The following VSIG10L variants were observed in gnomAD, a reference collection of about 807,000 sequenced individuals.
VSIG10L encodes the protein V-set and immunoglobulin domain containing 10 like.
A neutral mutation model predicts 67.3 loss-of-function variants in VSIG10L; 63 were observed. That is an observed-to-expected ratio of 0.94 (90% CI 0.76 to 1.15). VSIG10L has a LOEUF of 1.15. Among genes scored for constraint, VSIG10L ranks in the 50% most tolerant of loss-of-function variants. The probability of loss-of-function intolerance (pLI) is 0.00; values close to 1 mark genes in which losing one functional copy is unlikely to be tolerated. For missense variants in VSIG10L, 1,050 were observed against 1,177.5 expected (o/e 0.89, Z 1.58); for synonymous variants, 499 against 524.9 (o/e 0.95, Z 0.67).
chr19:51,341,586 C>G lies in VSIG10L; in HGVS notation c.462G>C (p.Leu154=), dbSNP rs1462138205. The change falls in exon 2 of 10, where the codon CTG becomes CTC. Residue 154 remains leucine, a synonymous_variant. Transcript: ENST00000335624. ...NISTQVSHTK[L]SVEAPDSKFS... is the part of the protein sequence containing the mutation. ...ATTTTGAATCTGGGGCCTCAACAGA[C>G]AGTTTGGTATGGGAGACTTGAGTAG... is the stretch of plus-strand genomic sequence containing the variant. The G allele has an allele frequency of 1.9e-6, 3 of 1,551,698 alleles. No individual in the cohort carries two copies. The South Asian group carries it at 3.6e-5, about 18-fold the overall frequency.
At position 51,337,435 on chromosome 19, in the gene VSIG10L, T is replaced by C. The variant is rs1438833121; in HGVS notation, c.2108A>G (p.Gln703Arg). 28 of 1,551,596 alleles carry C rather than the reference T, an allele frequency of 1.8e-5. No homozygotes were observed. The highest frequency in any genetic ancestry group is 2.4e-5 in the Non-Finnish European group (28 of 1,146,986). The change falls in exon 7 of 10, where the codon CAG becomes CGG. Residue 703 changes from glutamine (Q) to arginine (R), a missense_variant. Gln to Arg is a conservative substitution (Grantham distance 43). Around this residue, in one of 3 missense-constraint regions of VSIG10L, gnomAD observed 529 missense variants for 584.9 expected, o/e 0.90. Coordinates refer to ENST00000335624, the MANE Select transcript of VSIG10L (RefSeq NM_001163922.3). ...CAGAGCAGGCCCATCTGGCCATGCC[T>C]GGATCTCAAAACTGCTGATCAGGGC... ...RGALISSFEI[Q>R]AWPDGPALGR...
intron 7 of VSIG10L, among the ~76,000 whole-genome samples, chr19:51,336,054 G>C (rs138316799): frequency 9.8e-5 from 15 of 152,292 alleles, no homozygotes; most frequent in African/African-American, 3.1e-4. Flanking sequence ...TGATCACTTT[G>C]GGGAGTGAGG....
intron 6 of VSIG10L, 51 bp downstream of exon 6, chr19:51,337,879 G>A: frequency 6.7e-7 from 1 of 1,491,234 alleles, no homozygotes; most frequent in Non-Finnish European, 9.0e-7. Context: ...TCTGAGGGCT[G>A]GAGCGGCTGG....
Position 51,341,552 on chromosome 19 carries a change from C to G in VSIG10L, c.496G>C (p.Asp166His), listed in dbSNP as rs1985639429. Residue 166 changes from aspartate (D) to histidine (H), a missense_variant, in exon 2 of 10, where the codon GAT becomes CAT. Coordinates refer to ENST00000335624, the MANE Select transcript of VSIG10L (RefSeq NM_001163922.3). ...GCAGAGAGTTTAAGATCCATATCAT[C>G]CGGGGAGAATTTTGAATCTGGGGCC... ...VEAPDSKFSP[D>H]DMDLKLSAQS... is the part of the protein sequence containing the mutation. 6.4e-7 allele frequency: 1 copy of G among 1,551,676 alleles called. No homozygotes were observed. Among genetic ancestry groups the G allele is most frequent in the Admixed American group, 2.0e-5 (1 of 51,010 alleles).
intron 5 of VSIG10L, 94 bp downstream of exon 5, chr19:51,338,794 G>A (rs1390295417): frequency 2.3e-6 from 3 of 1,283,128 alleles, no homozygotes; most frequent in Non-Finnish European, 3.0e-6. Flanking sequence ...TTGGACTAAG[G>A]ACGTACCCCA....
chr19:51,341,666 G>A lies in VSIG10L; in HGVS notation c.382C>T (p.Pro128Ser). The change falls in exon 2 of 10, where the codon CCT (proline) becomes TCT (serine). Residue 128 changes from proline to serine, a missense_variant. Physicochemically the swap from Pro to Ser is moderately conservative, Grantham distance 74. Transcript: ENST00000335624. Reference protein sequence around the residue: ...VFPDISDPQVPAKDPKPSFTV... With the variant: ...VFPDISDPQVSAKDPKPSFTV... ...AAGGAAGGCTTGGGGTCTTTGGCAG[G>A]AACTTGAGGATCCGAAATATCAGGA... is the stretch of plus-strand genomic sequence containing the variant. 6.4e-7 allele frequency: 1 copy of A among 1,551,704 alleles called. No individual in the cohort carries two copies. The highest frequency in any genetic ancestry group is 8.7e-7 in the Non-Finnish European group (1 of 1,146,992).
chr19:51,339,282 C>G (rs1232275637), intron 4 of VSIG10L, 140 bp from the exon 5 acceptor site: 5 of 960,418 alleles, frequency 5.2e-6, no homozygotes, highest in Admixed American at 8.5e-5. Flanking sequence ...CCTGCGATCC[C>G]GTTCCCTTTT....
In VSIG10L at chr19:51,341,655, G is replaced by T. The variant is rs763473415; in HGVS notation, c.393C>A (p.Asp131Glu). The change falls in exon 2 of 10, where the codon GAC (aspartate) becomes GAA (glutamate). Residue 131 changes from aspartate (D) to glutamate (E), a missense_variant. Transcript: ENST00000335624. ...DISDPQVPAK[D>E]PKPSFTVKTP... ...TCTTAACAGTGAAGGAAGGCTTGGG[G>T]TCTTTGGCAGGAACTTGAGGATCCG... 42 of 1,551,594 alleles carry T rather than the reference G, an allele frequency of 2.7e-5. No homozygotes were observed. The South Asian group carries it at 3.6e-4, about 13-fold the overall frequency.
chr19:51,338,070 C>T lies in VSIG10L; in HGVS notation c.1868G>A (p.Gly623Glu). 1 of 1,551,600 alleles carries T rather than the reference C, an allele frequency of 6.4e-7. No homozygotes were observed. The highest frequency in any genetic ancestry group is 8.7e-7 in the Non-Finnish European group (1 of 1,146,958). ...WAREGRPLAP[G>E]GGSRLRLSQD... ...ACTGAGCCGCAGGCGACTCCCGCCT[C>T]CTGGAGCCAGGGGCCTCCCTTCCCG... Residue 623 changes from glycine to glutamate, a missense_variant, in exon 6 of 10, where the codon GGA becomes GAA. Gly to Glu is a moderately conservative substitution (Grantham distance 98). Coordinates refer to ENST00000335624, the MANE Select transcript of VSIG10L (RefSeq NM_001163922.3).
chr19:51,336,937 T>C (rs1165319304), intron 7 of VSIG10L, among the ~76,000 whole-genome samples: 1 of 151,938 alleles, frequency 6.6e-6, no homozygotes, highest in Non-Finnish European at 1.5e-5. Context: ...AGGCTAATTT[T>C]TTGTATTTTT....
chr19:51,340,329 T>G lies in VSIG10L; in HGVS notation c.1190-30A>C. 6.7e-7 allele frequency: 1 copy of G among 1,485,164 alleles called. No individual in the cohort carries two copies. Among genetic ancestry groups the G allele is most frequent in the Non-Finnish European group, 8.9e-7 (1 of 1,120,296 alleles). 92.0% of individuals were successfully genotyped at this position (1,485,164 alleles called of 1,614,324 possible). ...AGGGAGGAGGGGTCGGGACCGCGAG[T>G]GTCAGGGTCACCTGGGACGCCGCTA... On this transcript the variant is annotated intron_variant, in intron 3 of 9. Transcript: ENST00000335624. The surrounding 1 kb of genome is among the most constrained non-coding windows in gnomAD (Gnocchi z 6.3).
In VSIG10L at chr19:51,340,027, G is replaced by A. The variant is rs1278323326; in HGVS notation, c.1462C>T (p.Leu488Phe). The A allele has an allele frequency of 7.0e-7, 1 of 1,433,316 alleles. No homozygotes were observed. The highest frequency in any genetic ancestry group is 9.1e-7 in the Non-Finnish European group (1 of 1,095,930). The allele number at this position is 1,433,316 out of a possible 1,614,324, so 88.8% of individuals were successfully genotyped here. Reference protein sequence around the residue: ...TGRRRRSLLNLTVADLPPGAP... With the variant: ...TGRRRRSLLNFTVADLPPGAP... ...TCCAGCCTCTCACCCGCCACTGTAA[G>A]GTTGAGCAGCGAGCGGCGGCGGCGG... The change falls in exon 4 of 10, where the codon CTT (leucine) becomes TTT (phenylalanine). Residue 488 changes from leucine to phenylalanine, a missense_variant. Coordinates refer to ENST00000335624, the MANE Select transcript of VSIG10L (RefSeq NM_001163922.3). This position sits in a 1 kb window ranked among gnomAD's most constrained non-coding sequence, Gnocchi z 6.3.
chr19:51,336,011 T>G (rs1985470641), intron 7 of VSIG10L, among the ~76,000 whole-genome samples: 2 of 152,144 alleles, frequency 1.3e-5, no homozygotes, highest in African/African-American at 2.4e-5. Context: ...GTCATCTGAT[T>G]ATTAATGTTA....
chr19:51,340,212 A>G lies in VSIG10L; in HGVS notation c.1277T>C (p.Leu426Ser). 5.4e-6 allele frequency: 8 copies of G among 1,490,506 alleles called. No individual in the cohort carries two copies. The highest frequency in any genetic ancestry group is 7.1e-6 in the Non-Finnish European group (8 of 1,127,130). 92.3% of individuals were successfully genotyped at this position (1,490,506 alleles called of 1,614,324 possible). Residue 426 changes from leucine to serine, a missense_variant, in exon 4 of 10, where the codon TTG (leucine) becomes TCG (serine). By Grantham distance (145) the Leu-to-Ser change is moderately radical. Coordinates refer to ENST00000335624, the MANE Select transcript of VSIG10L (RefSeq NM_001163922.3). The surrounding 1 kb of genome is among the most constrained non-coding windows in gnomAD (Gnocchi z 6.3). ...CGGCCGCGAGGCGGCGGCGCAGCGC[A>G]AGGTCACGTTACTGCCCGCGGTGAC... The part of the protein sequence containing the change: ...RFVTAGSNVT[L>S]RCAAASRPPA...
chr19:51,339,794 T>A, intron 4 of VSIG10L: 1 of 480,068 alleles, frequency 2.1e-6, no homozygotes, highest in Non-Finnish European at 3.3e-6. Flanking sequence ...ATCCTCTTTC[T>A]GGCCCCGCCT....
chr19:51,334,417 C>T (rs1311103768), intron 7 of VSIG10L, 113 bp from the exon 8 acceptor site: 1 of 823,782 alleles, frequency 1.2e-6, no homozygotes, highest in South Asian at 1.8e-5. Flanking sequence ...CCCACTGTCC[C>T]TCCCCTCCCA....
In VSIG10L at chr19:51,340,476, GC is replaced by G. The variant is rs1568463179; in HGVS notation, c.1145del (p.Ser382ThrfsTer43). On this transcript the variant is annotated frameshift_variant, in exon 3 of 10. Coordinates refer to ENST00000335624, the MANE Select transcript of VSIG10L (RefSeq NM_001163922.3). LOFTEE classifies it high-confidence loss of function. This position sits in a 1 kb window ranked among gnomAD's most constrained non-coding sequence, Gnocchi z 6.3. ...DHARYTCRVR[S>X]PFGHREAAAD... ...CGGCAGCCTCCCTGTGGCCGAAGGGGCTGCGGACGCGGCAAGTGTACCGGGC... is the reference window on the plus strand; with the variant it reads ...CGGCAGCCTCCCTGTGGCCGAAGGGGTGCGGACGCGGCAAGTGTACCGGGC... The G allele has an allele frequency of 1.3e-6, 2 of 1,513,716 alleles. No individual in the cohort carries two copies. Among genetic ancestry groups the G allele is most frequent in the South Asian group, 2.4e-5 (2 of 82,496 alleles). The allele number at this position is 1,513,716 out of a possible 1,614,324, so 93.8% of individuals were successfully genotyped here. A position where few individuals can be genotyped will look rare whatever the true frequency, so the allele number is the denominator to read the frequency against.
rs1182455554 is a variant in VSIG10L at position 51,342,048 on chromosome 19, G to T, written c.40+37C>A. The stretch of plus-strand genomic sequence containing the variant: ...GAAGGCATTGGGGGAGGCTGCTGAG[G>T]GAGACTGACAGGGAAGGGACTGAGC... On this transcript the variant is annotated intron_variant, in intron 1 of 9. Coordinates refer to ENST00000335624, the MANE Select transcript of VSIG10L (RefSeq NM_001163922.3). This position sits in a 1 kb window ranked among gnomAD's most constrained non-coding sequence, Gnocchi z 4.4. 6.4e-7 allele frequency: 1 copy of T among 1,551,650 alleles called. No individual in the cohort carries two copies.
Position 51,340,556 on chromosome 19 carries a change from T to C in VSIG10L, c.1066A>G (p.Met356Val). 1 of 1,535,738 alleles carries C rather than the reference T, an allele frequency of 6.5e-7. No individual in the cohort carries two copies. The highest frequency in any genetic ancestry group is 1.2e-5 in the South Asian group (1 of 83,990). The change falls in exon 3 of 10, where the codon ATG becomes GTG. Residue 356 changes from methionine (M) to valine (V), a missense_variant. Physicochemically the swap from Met to Val is conservative, Grantham distance 21. Around this residue, in one of 3 missense-constraint regions of VSIG10L, gnomAD observed 511 missense variants for 557.9 expected, o/e 0.92. Transcript: ENST00000335624. The surrounding 1 kb of genome is among the most constrained non-coding windows in gnomAD (Gnocchi z 6.3). ...AESEGAETPRMRSEGDQLLIV... is the reference protein window; with the variant it reads ...AESEGAETPRVRSEGDQLLIV... ...AGCAGCTGGTCGCCCTCTGAGCGCA[T>C]CCGGGGCGTCTCGGCTCCCTCCGAT... is the stretch of plus-strand genomic sequence containing the variant.
Sources: gnomAD v4.1 joint callset for allele counts (sites outside exome capture counted in the v4.1 genomes callset) on GRCh38, gnomAD v4.1.1 for gene constraint, gnomAD v4.1.1 regional missense constraint, Gnocchi (gnomAD v3.1) non-coding constraint, MANE v1.5 for transcripts, NCBI Gene and HGNC (gene_info 2026-07-23, HGNC 2026-07-21) for gene names.